ZNF678: variants seen among roughly 807,000 people sequenced by gnomAD.
The protein encoded by ZNF678 is zinc finger protein 678.
ZNF678 carries 5 observed loss-of-function variants against 3.0 expected under a neutral mutation model. The observed-to-expected ratio is 1.69, with a 90% CI of 0.88 to 3.56. ZNF678 has a LOEUF of 3.56. Among genes scored for constraint, ZNF678 ranks in the 30% most tolerant of loss-of-function variants. ZNF678 has a pLI of 0.00. For missense variants in ZNF678, 593 were observed against 605.0 expected, an observed-to-expected ratio of 0.98 and a Z score of 0.21; for synonymous variants, 218 against 199.6, an observed-to-expected ratio of 1.09 and a Z score of -0.78.
Position 227,587,816 on chromosome 1 carries a change from CTT to C in ZNF678, c.-164+24108_-164+24109del, listed in dbSNP as rs199804279. On this transcript the variant is annotated intron_variant, in intron 1 of 3. Coordinates refer to ENST00000343776, the MANE Select transcript of ZNF678 (RefSeq NM_001367909.1). Reference sequence around the variant, plus strand: ...TGGAAACCCTGAAATTCACCCTTTCCTTTTTTTTTTTTTTTTTCAAGACTTTA... The same window carrying C: ...TGGAAACCCTGAAATTCACCCTTTCCTTTTTTTTTTTTTTTCAAGACTTTA... Among the ~76,000 whole-genome samples, 335 of 127,646 alleles carry C rather than the reference CTT, an allele frequency of 2.6e-3. 3 individuals carry two copies. Among genetic ancestry groups the C allele is most frequent in the African/African-American group, 8.4e-3 (290 of 34,648 alleles). The allele number at this position is 127,646 out of a possible 152,430, so 83.7% of individuals were successfully genotyped here. A position where few individuals can be genotyped will look rare whatever the true frequency, so the allele number is the denominator to read the frequency against.
At position 227,646,681 on chromosome 1, in the gene ZNF678, C is replaced by G. The variant is rs770656982; in HGVS notation, c.-37+11C>G. ...ACCTGGTCTCCCTGGGTGAGGATAACTTCAATACACAATTTATGTATTTCA... is the reference window on the plus strand; with the variant it reads ...ACCTGGTCTCCCTGGGTGAGGATAAGTTCAATACACAATTTATGTATTTCA... On this transcript the variant is annotated intron_variant, in intron 2 of 3. Coordinates refer to ENST00000343776, the MANE Select transcript of ZNF678 (RefSeq NM_001367909.1). The G allele has an allele frequency of 7.7e-5, 105 of 1,369,606 alleles. 1 individual carries two copies. Among genetic ancestry groups the G allele is most frequent in the Non-Finnish European group, 2.0e-5 (20 of 1,024,030 alleles). 84.8% of individuals were successfully genotyped at this position (1,369,606 alleles called of 1,614,324 possible).
intron 1 of ZNF678, among the ~76,000 whole-genome samples, chr1:227,591,763 C>T (rs1214394265): frequency 6.6e-6 from 1 of 152,122 alleles, no homozygotes; most frequent in African/African-American, 2.4e-5. Context: ...AGTTCCAGTA[C>T]ACTTATAATA....
chr1:227,639,264 G>T (rs1290798925), intron 1 of ZNF678, among the ~76,000 whole-genome samples: 1 of 152,238 alleles, frequency 6.6e-6, no homozygotes, highest in East Asian at 1.9e-4. Flanking sequence ...TTGCTAGGAG[G>T]CTTCTGTGTG....
intron 5 of ZNF678, among the ~76,000 whole-genome samples, chr1:227,670,973 T>TA (rs1659590664): frequency 1.4e-5 from 2 of 145,914 alleles, no homozygotes; most frequent in African/African-American, 4.9e-5. Context: ...TTTTATTTTT[T>TA]TTTTTTTTAT....
chr1:227,670,248 G>A (rs187025095), intron 5 of ZNF678, among the ~76,000 whole-genome samples: 1 of 152,284 alleles, frequency 6.6e-6, no homozygotes, highest in Admixed American at 6.5e-5. Context: ...CCATGTAACA[G>A]TCCTACACAT....
At chr1:227,571,107 AAAT>A (rs1159718298) in intron 1 of ZNF678, among the ~76,000 whole-genome samples, 4 of 152,176 alleles carry the variant, frequency 2.6e-5, no homozygotes, top group African/African-American at 9.7e-5. Context: ...TTATTTTGTA[AAAT>A]AATAGTATCA....
rs772612735 is a variant in ZNF678, at chr1:227,655,300, A to G, written c.1050A>G (p.Lys350=). 4 of 1,611,304 alleles carry G rather than the reference A, an allele frequency of 2.5e-6. No homozygotes were observed. Among genetic ancestry groups the G allele is most frequent in the Non-Finnish European group, 3.4e-6 (4 of 1,178,296 alleles). ...KRIHTGEKPY[K]CEECGRTFTQ... ...TTCATACTGGAGAGAAACCCTACAAATGTGAAGAATGTGGCAGAACCTTTA... is the reference window on the plus strand; with the variant it reads ...TTCATACTGGAGAGAAACCCTACAAGTGTGAAGAATGTGGCAGAACCTTTA... Residue 350 remains lysine, a synonymous_variant, in exon 4 of 4, where the codon AAA becomes AAG. Coordinates refer to ENST00000343776, the MANE Select transcript of ZNF678 (RefSeq NM_001367909.1).
chr1:227,673,261 A>T (rs888454018), intron 5 of ZNF678, among the ~76,000 whole-genome samples: 2 of 152,138 alleles, frequency 1.3e-5, no homozygotes, highest in Non-Finnish European at 2.9e-5. Context: ...GTTGTAGATA[A>T]CCCACCACTG....
chr1:227,609,211 A>G (rs1215290199), intron 1 of ZNF678, among the ~76,000 whole-genome samples: 4 of 152,232 alleles, frequency 2.6e-5, no homozygotes, highest in Non-Finnish European at 4.4e-5. Context: ...TTAATATACA[A>G]TGCACAGTCA....
intron 1 of ZNF678, among the ~76,000 whole-genome samples, chr1:227,626,315 G>A (rs1021921756): frequency 3.3e-5 from 5 of 152,106 alleles, no homozygotes; most frequent in Non-Finnish European, 7.3e-5. Context: ...GGTTTGACTC[G>A]AATGTGATGT....
At chr1:227,675,163 T>G (rs1659660181) in intron 5 of ZNF678, among the ~76,000 whole-genome samples, 1 of 152,070 alleles carries the variant, frequency 6.6e-6, no homozygotes, top group South Asian at 2.1e-4. Flanking sequence ...TAGATGAGGT[T>G]TGAGGGTAGG....
intron 2 of ZNF678, among the ~76,000 whole-genome samples, chr1:227,648,571 A>G (rs1659013623): frequency 6.6e-6 from 1 of 152,208 alleles, no homozygotes; most frequent in African/African-American, 2.4e-5. Context: ...CAATTCCAGC[A>G]CTTTGGGAGG....
intron 1 of ZNF678, among the ~76,000 whole-genome samples, chr1:227,576,173 G>A (rs1175850036): frequency 1.3e-5 from 2 of 152,052 alleles, no homozygotes; most frequent in Admixed American, 6.5e-5. Flanking sequence ...TGAGGTTTTT[G>A]CATTGATGTT....
chr1:227,564,138 G>A (rs1287487675), intron 1 of ZNF678, among the ~76,000 whole-genome samples: 3 of 152,212 alleles, frequency 2.0e-5, no homozygotes, highest in Non-Finnish European at 2.9e-5. Context: ...AGAGCGCCCA[G>A]CTATGGTGTG....
chr1:227,612,487 A>G (rs1039395406), intron 1 of ZNF678, among the ~76,000 whole-genome samples: 8 of 152,018 alleles, frequency 5.3e-5, no homozygotes, highest in East Asian at 1.9e-4. Flanking sequence ...CACATGGTCT[A>G]TTTTTATTCA....
intron 1 of ZNF678, among the ~76,000 whole-genome samples, chr1:227,585,763 G>A (rs1241450213): frequency 1.3e-5 from 2 of 148,874 alleles, no homozygotes; most frequent in Non-Finnish European, 3.0e-5. Context: ...GTGACAGAGT[G>A]AGATTCAGTC....
chr1:227,656,739 G>A lies in ZNF678; in HGVS notation c.*911G>A, dbSNP rs1659259086. On this transcript the variant is annotated 3_prime_UTR_variant, in exon 4 of 4. Coordinates refer to ENST00000343776, the MANE Select transcript of ZNF678 (RefSeq NM_001367909.1). ...ACATTTTGAATTTCAGTAGTAAATT[G>A]TTTTATGAGTTGCACATTAAGATAA... 1 of 151,924 alleles carries A rather than the reference G, an allele frequency of 6.6e-6. No individual in the cohort carries two copies. Among genetic ancestry groups the A allele is most frequent in the Non-Finnish European group, 1.5e-5 (1 of 67,860 alleles). The allele number at this position is 151,924 out of a possible 1,614,324, so 9.4% of individuals were successfully genotyped here.
intron 1 of ZNF678, among the ~76,000 whole-genome samples, chr1:227,575,843 A>G (rs2088212): frequency 0.54 from 81,855 of 151,924 alleles, 23,010 homozygotes; most frequent in Non-Finnish European, 0.62. Context: ...GGAATGCTTC[A>G]AGCTTTTGCC....
At chr1:227,635,126 A>C (rs948518937) in intron 1 of ZNF678, among the ~76,000 whole-genome samples, 1 of 151,982 alleles carries the variant, frequency 6.6e-6, no homozygotes, top group Non-Finnish European at 1.5e-5. Flanking sequence ...TGAATACGTA[A>C]GTGAAGAGAT....
Sources: allele counts gnomAD v4.1 joint callset (sites outside exome capture counted in the v4.1 genomes callset), GRCh38; gene constraint gnomAD v4.1.1; transcripts MANE v1.5; gene names NCBI Gene and HGNC (gene_info 2026-07-23, HGNC 2026-07-21).